The following BLTP3A variants were observed in gnomAD, a reference collection of about 807,000 sequenced individuals.
BLTP3A encodes the protein ICBP90 binding protein 1.
chr6:34,876,512 T>C, the BLTP3A span: 1 of 152,180 alleles, frequency 6.6e-6, no homozygotes. Context: ...TACCCTGGCT[T>C]TTTTTTCTCT....
the BLTP3A span, among the ~76,000 whole-genome samples, chr6:34,832,703 G>T: frequency 6.6e-6 from 1 of 151,922 alleles, no homozygotes; most frequent in Non-Finnish European, 1.5e-5. Context: ...CTCCACCTCG[G>T]CCTCCTAAAG....
chr6:34,870,079 C>G, the BLTP3A span, among the ~76,000 whole-genome samples: 8 of 152,124 alleles, frequency 5.3e-5, no homozygotes, highest in South Asian at 2.1e-4. Flanking sequence ...TCCATGACCC[C>G]CAAAATATCC....
the BLTP3A span, among the ~76,000 whole-genome samples, chr6:34,794,216 G>T: frequency 3.3e-5 from 4 of 119,940 alleles, no homozygotes; most frequent in Non-Finnish European, 4.9e-5. Context: ...GTAACTCAAA[G>T]GATAAATGCT....
the BLTP3A span, chr6:34,876,391 C>T: frequency 6.6e-6 from 1 of 152,206 alleles, no homozygotes; most frequent in Non-Finnish European, 1.5e-5. Flanking sequence ...ATTTAACTCA[C>T]TTAGATTACT....
the BLTP3A span, chr6:34,871,699 C>T: frequency 6.2e-7 from 1 of 1,614,104 alleles, no homozygotes; most frequent in Non-Finnish European, 8.5e-7. Context: ...GGCGGTGAGT[C>T]AGGCTTGTCA....
the BLTP3A span, among the ~76,000 whole-genome samples, chr6:34,814,570 T>G: frequency 6.6e-6 from 1 of 152,162 alleles, no homozygotes; most frequent in Non-Finnish European, 1.5e-5. Context: ...GAAGAACTCT[T>G]GGTTGTTTAG....
chr6:34,858,415 C>T, the BLTP3A span: 2 of 1,614,056 alleles, frequency 1.2e-6, no homozygotes, highest in African/African-American at 1.3e-5. Flanking sequence ...TCCCCAGAGA[C>T]CTAAGGCTTC....
At chr6:34,866,516 T>C in the BLTP3A span, among the ~76,000 whole-genome samples, 1 of 152,226 alleles carries the variant, frequency 6.6e-6, no homozygotes, top group African/African-American at 2.4e-5. Flanking sequence ...TATCCTTTTG[T>C]CCATAAATAT....
At chr6:34,823,689 C>T in the BLTP3A span, among the ~76,000 whole-genome samples, 2 of 149,540 alleles carry the variant, frequency 1.3e-5, no homozygotes, top group African/African-American at 4.9e-5. Context: ...ACCACAGGCG[C>T]ACATCACCAT....
At chr6:34,794,019 G>T in the BLTP3A span, among the ~76,000 whole-genome samples, 2 of 152,004 alleles carry the variant, frequency 1.3e-5, no homozygotes, top group Non-Finnish European at 2.9e-5. Flanking sequence ...AATTAGCCTG[G>T]CATGGTGGTA....
chr6:34,864,888 A>T, the BLTP3A span, among the ~76,000 whole-genome samples: 1 of 152,124 alleles, frequency 6.6e-6, no homozygotes, highest in Non-Finnish European at 1.5e-5. Context: ...GAATTGTTTG[A>T]ACCGGGGAGG....
chr6:34,825,393 C>T, the BLTP3A span, among the ~76,000 whole-genome samples: 55 of 152,174 alleles, frequency 3.6e-4, 1 homozygote, highest in South Asian at 4.8e-3. Flanking sequence ...TTGCAACCTC[C>T]ACCTCCCTGG....
chr6:34,857,366 C>T, the BLTP3A span: 114 of 1,614,100 alleles, frequency 7.1e-5, no homozygotes, highest in African/African-American at 1.3e-3. Context: ...AAGCCATCTA[C>T]ACTCCTTTCC....
the BLTP3A span, among the ~76,000 whole-genome samples, chr6:34,838,922 C>T: frequency 6.6e-6 from 1 of 152,068 alleles, no homozygotes; most frequent in African/African-American, 2.4e-5. Flanking sequence ...CAGAGCGAGA[C>T]CCAATCTCCA....
chr6:34,830,398 C>T, the BLTP3A span, among the ~76,000 whole-genome samples: 1 of 151,930 alleles, frequency 6.6e-6, no homozygotes. Flanking sequence ...ACCAGCCTGG[C>T]CAACATGGTG....
the BLTP3A span, among the ~76,000 whole-genome samples, chr6:34,826,174 AC>A: frequency 4.0e-5 from 6 of 151,382 alleles, no homozygotes; most frequent in Admixed American, 6.6e-5. Context: ...GATTACACAC[AC>A]CAACACACCT....
the BLTP3A span, among the ~76,000 whole-genome samples, chr6:34,831,240 G>C: frequency 7.8e-3 from 1,175 of 151,572 alleles, 17 homozygotes; most frequent in African/African-American, 0.024. Context: ...TGATTCTTCT[G>C]CCTCAGCCTC....
chr6:34,875,274 A>C, the BLTP3A span: 2 of 152,502 alleles, frequency 1.3e-5, no homozygotes, highest in South Asian at 4.1e-4. Flanking sequence ...TGCCTCTTTC[A>C]AAGGCAGAAT....
At chr6:34,857,419 A>G in the BLTP3A span, 6 of 1,614,082 alleles carry the variant, frequency 3.7e-6, no homozygotes, top group African/African-American at 2.7e-5. Flanking sequence ...GGTCTCTGCC[A>G]TTCATATTGA....
Sources: gnomAD v4.1 joint callset for allele counts (sites outside exome capture counted in the v4.1 genomes callset) on GRCh38, gnomAD v4.1.1 for gene constraint, MANE v1.5 for transcripts, NCBI Gene and HGNC (gene_info 2026-07-23, HGNC 2026-07-21) for gene names.